BBOX1: variants seen among roughly 807,000 people sequenced by gnomAD.
The protein encoded by BBOX1 is gamma-butyrobetaine dioxygenase.
BBOX1 carries 35 observed loss-of-function variants against 41.6 expected under a neutral mutation model. The ratio of observed to expected loss-of-function variants is 0.84; its 90% CI spans 0.64 to 1.11. BBOX1 has a LOEUF of 1.11. Ranked by LOEUF, BBOX1 falls within the 50% of genes most tolerant of loss-of-function variation. BBOX1 has a pLI of 0.00. For synonymous variants in BBOX1, 163 were observed against 154.7 expected (o/e 1.05, Z -0.40); for missense variants, 458 against 460.6 (o/e 0.99, Z 0.05).
intron 2 of BBOX1, among the ~76,000 whole-genome samples, chr11:27,043,416 C>CAGGTTTTGGGT (rs879430839): frequency 1.3e-5 from 2 of 151,324 alleles, no homozygotes; most frequent in Non-Finnish European, 3.0e-5. Flanking sequence ...GCAGAATGTG[C>CAGGTTTTGGGT]ACGTTTGGGG....
At chr11:27,108,057 T>C (rs770867517) in intron 5 of BBOX1, among the ~76,000 whole-genome samples, 10 of 152,090 alleles carry the variant, frequency 6.6e-5, no homozygotes, top group Non-Finnish European at 1.2e-4. Flanking sequence ...TATGTGAAGA[T>C]AGACTTTTAG....
chr11:27,090,245 A>C (rs571167905), intron 4 of BBOX1, among the ~76,000 whole-genome samples: 11 of 152,008 alleles, frequency 7.2e-5, no homozygotes, highest in African/African-American at 2.4e-4. Flanking sequence ...GGTTCTTTCT[A>C]TTTTCCATAA....
intron 5 of BBOX1, among the ~76,000 whole-genome samples, chr11:27,108,951 C>T (rs183733511): frequency 2.9e-4 from 44 of 152,172 alleles, no homozygotes; most frequent in African/African-American, 9.4e-4. Flanking sequence ...ATAAAAGTCA[C>T]CCCTTCCCTG....
At chr11:27,055,353 T>C in intron 2 of BBOX1, 40 bp from the exon 3 acceptor site, 1 of 1,448,256 alleles carries the variant, frequency 6.9e-7, no homozygotes, top group Non-Finnish European at 9.6e-7. Context: ...AGTTTAGATC[T>C]TATCTGCCTG....
chr11:27,102,692 C>T (rs959974137), intron 5 of BBOX1, among the ~76,000 whole-genome samples: 3 of 152,042 alleles, frequency 2.0e-5, no homozygotes, highest in Admixed American at 6.6e-5. Flanking sequence ...TGTATCTATT[C>T]ATTTTGGTTT....
chr11:27,118,836 G>A (rs1859356034), intron 6 of BBOX1, among the ~76,000 whole-genome samples: 1 of 151,434 alleles, frequency 6.6e-6, no homozygotes, highest in Non-Finnish European at 1.5e-5. Flanking sequence ...AGTTCATGAT[G>A]GCAAAATCTA....
chr11:27,082,380 A>C (rs1379800183), intron 4 of BBOX1, among the ~76,000 whole-genome samples: 7 of 152,148 alleles, frequency 4.6e-5, no homozygotes, highest in Non-Finnish European at 1.0e-4. Context: ...AAAGGGATGA[A>C]GAGGGCCTTC....
chr11:27,072,422 G>C (rs1857484902), intron 4 of BBOX1, among the ~76,000 whole-genome samples: 1 of 152,052 alleles, frequency 6.6e-6, no homozygotes. Context: ...AAATAAAAGA[G>C]GACACAAAGA....
intron 4 of BBOX1, among the ~76,000 whole-genome samples, chr11:27,070,917 C>A (rs976848218): frequency 6.6e-6 from 1 of 151,996 alleles, no homozygotes; most frequent in Non-Finnish European, 1.5e-5. Flanking sequence ...GCACATCAAC[C>A]TTTTGTTTCA....
intron 4 of BBOX1, among the ~76,000 whole-genome samples, chr11:27,068,890 A>G (rs1375143191): frequency 6.6e-6 from 1 of 151,974 alleles, no homozygotes; most frequent in Admixed American, 6.6e-5. Context: ...GCAGATATTT[A>G]GCTTTATTTC....
chr11:27,077,127 G>A (rs1021205935), intron 4 of BBOX1, among the ~76,000 whole-genome samples: 5 of 152,028 alleles, frequency 3.3e-5, no homozygotes, highest in Non-Finnish European at 4.4e-5. Context: ...ATTATATCCC[G>A]AATTTCAGTT....
At chr11:27,078,618 G>A (rs1857717600) in intron 4 of BBOX1, among the ~76,000 whole-genome samples, 1 of 152,084 alleles carries the variant, frequency 6.6e-6, no homozygotes, top group African/African-American at 2.4e-5. Flanking sequence ...ATCATAAGTG[G>A]GAGTTGAACA....
At chr11:27,056,549 C>A (rs1856986783) in intron 3 of BBOX1, among the ~76,000 whole-genome samples, 1 of 152,084 alleles carries the variant, frequency 6.6e-6, no homozygotes, top group Admixed American at 6.6e-5. Context: ...AGCCACCACA[C>A]CCAGCTGCAC....
chr11:27,102,528 T>A (rs1858699536), intron 5 of BBOX1, among the ~76,000 whole-genome samples: 1 of 152,002 alleles, frequency 6.6e-6, no homozygotes, highest in Non-Finnish European at 1.5e-5. Context: ...GTTCACTTCC[T>A]TTCTTTCCTG....
At chr11:27,057,408 G>C (rs1857018284) in intron 4 of BBOX1, 93 bp downstream of exon 4, 1 of 987,806 alleles carries the variant, frequency 1.0e-6, no homozygotes, top group Non-Finnish European at 1.5e-6. Context: ...AAACCTTTGT[G>C]CTTTGATTAA....
At chr11:27,058,162 G>A (rs992179126) in intron 4 of BBOX1, among the ~76,000 whole-genome samples, 5 of 152,082 alleles carry the variant, frequency 3.3e-5, no homozygotes, top group Non-Finnish European at 7.4e-5. Flanking sequence ...ATTTAAAAGT[G>A]TGTAGCACTA....
intron 5 of BBOX1, among the ~76,000 whole-genome samples, chr11:27,109,649 G>T (rs994146191): frequency 6.6e-6 from 1 of 152,056 alleles, no homozygotes; most frequent in African/African-American, 2.4e-5. Context: ...GCAATAGTTG[G>T]CAAGGTTAGA....
At chr11:27,093,830 C>T (rs1410254080) in intron 5 of BBOX1, among the ~76,000 whole-genome samples, 1 of 151,920 alleles carries the variant, frequency 6.6e-6, no homozygotes, top group Non-Finnish European at 1.5e-5. Flanking sequence ...GCTGTCTCTT[C>T]TTCTTCTGAT....
rs35379904 is a variant in BBOX1, at chr11:27,084,444, T to TA, written c.335-8714dup. 1.2e-3 allele frequency among the ~76,000 whole-genome samples: 179 copies of TA among 150,026 alleles called. 1 individual carries two copies. Among genetic ancestry groups the TA allele is most frequent in the African/African-American group, 3.0e-3 (125 of 40,984 alleles). ...GACATGTAGAATTCTTTCTACATGT[T>TA]AAAAAAAAAATCTGAAGAGGGCAGG... On this transcript the variant is annotated intron_variant, in intron 4 of 8. Coordinates refer to ENST00000263182, the MANE Select transcript of BBOX1 (RefSeq NM_003986.3).
Sources: allele counts gnomAD v4.1 joint callset (sites outside exome capture counted in the v4.1 genomes callset), GRCh38; gene constraint gnomAD v4.1.1; transcripts MANE v1.5; gene names NCBI Gene and HGNC (gene_info 2026-07-23, HGNC 2026-07-21).